Variants in QRICH1 observed in about 807,000 individuals in gnomAD.
The protein encoded by QRICH1 is transcriptional regulator QRICH1.
In QRICH1, 16 loss-of-function variants were observed where a neutral mutation model predicts 87.1. The observed-to-expected ratio is 0.18, with a 90% CI of 0.12 to 0.28. The LOEUF (loss-of-function observed/expected upper bound fraction) is 0.28, where lower values mean the gene tolerates loss of function less well. QRICH1 is among the 10% of genes least tolerant of loss of function. The pLI is 1.00. For synonymous variants in QRICH1, 367 were observed against 368.4 expected (o/e 1.00, Z 0.05); for missense variants, 647 against 951.7 (o/e 0.68, Z 4.21).
intron 1 of QRICH1, among the ~76,000 whole-genome samples, chr3:49,086,413 C>T (rs895708105): frequency 9.9e-5 from 15 of 151,964 alleles, no homozygotes; most frequent in East Asian, 7.7e-4. Context: ...CCCACCACCA[C>T]GCCCGGCTAA....
chr3:49,072,935 G>A (rs1019240020), intron 2 of QRICH1, among the ~76,000 whole-genome samples: 3 of 151,960 alleles, frequency 2.0e-5, no homozygotes, highest in East Asian at 1.9e-4. Flanking sequence ...CTAGCTACTC[G>A]GGAGGCTGAG....
chr3:49,056,762 G>T (rs766457127), intron 3 of QRICH1, 100 bp downstream of exon 3: 2 of 1,541,778 alleles, frequency 1.3e-6, no homozygotes, highest in South Asian at 2.3e-5. Flanking sequence ...CACTGTAAGA[G>T]TAACAGCAGT....
chr3:49,051,200 G>T (rs1241763703), intron 3 of QRICH1, among the ~76,000 whole-genome samples: 4 of 152,070 alleles, frequency 2.6e-5, no homozygotes, highest in African/African-American at 9.7e-5. Flanking sequence ...ACCACTACCA[G>T]CAATACCACC....
At position 49,056,950 on chromosome 3, in the gene QRICH1, T is replaced by C; in HGVS notation, c.1250A>G (p.Asp417Gly). ...QNTAQTVHIW[D>G]PQQQPQQQTP... ...TTGCTGCTGCGGCTGCTGTTGGGGG[T>C]CCCATATATGGACAGTTTGAGCCGT... The change falls in exon 3 of 10, where the codon GAC becomes GGC. Residue 417 changes from aspartate (D) to glycine (G), a missense_variant. Around this residue, in one of 7 missense-constraint regions of QRICH1, gnomAD observed 115 missense variants for 126.8 expected, o/e 0.91. Coordinates refer to ENST00000395443, the MANE Select transcript of QRICH1 (RefSeq NM_198880.3). 1 of 1,613,664 alleles carries C rather than the reference T, an allele frequency of 6.2e-7. No individual in the cohort carries two copies. Among genetic ancestry groups the C allele is most frequent in the South Asian group, 1.1e-5 (1 of 91,068 alleles).
At chr3:49,075,525 G>A (rs1268784252) in intron 2 of QRICH1, among the ~76,000 whole-genome samples, 4 of 152,134 alleles carry the variant, frequency 2.6e-5, no homozygotes, top group Non-Finnish European at 5.9e-5. Flanking sequence ...CAGCTACTCA[G>A]GAAGCTGAGG....
intron 2 of QRICH1, among the ~76,000 whole-genome samples, chr3:49,067,769 A>G (rs1428246869): frequency 6.6e-6 from 1 of 152,068 alleles, no homozygotes; most frequent in African/African-American, 2.4e-5. Context: ...TCACGAGGTC[A>G]AGAGATTGAG....
At chr3:49,062,166 C>A (rs1364645123) in intron 2 of QRICH1, among the ~76,000 whole-genome samples, 1 of 151,780 alleles carries the variant, frequency 6.6e-6, no homozygotes, top group Non-Finnish European at 1.5e-5. Context: ...GAAACCCTGT[C>A]TCTACTAAAA....
chr3:49,034,079 T>TTATTATTATTATTATTATTA (rs2093259564), intron 6 of QRICH1, among the ~76,000 whole-genome samples: 1 of 147,184 alleles, frequency 6.8e-6, no homozygotes, highest in African/African-American at 2.5e-5. Flanking sequence ...TTTGGGGGAT[T>TTATTATTATTATTATTATTA]TTATTATTAT....
At chr3:49,086,173 C>T (rs1329296743) in intron 1 of QRICH1, among the ~76,000 whole-genome samples, 1 of 151,254 alleles carries the variant, frequency 6.6e-6, no homozygotes, top group Non-Finnish European at 1.5e-5. Flanking sequence ...AAAGCCAGCC[C>T]TCCCTTAAAC....
chr3:49,061,472 C>T (rs2093434422), intron 2 of QRICH1, among the ~76,000 whole-genome samples: 1 of 152,058 alleles, frequency 6.6e-6, no homozygotes, highest in Non-Finnish European at 1.5e-5. Context: ...ACATAGTATG[C>T]AACTTTTAAA....
intron 1 of QRICH1, among the ~76,000 whole-genome samples, chr3:49,082,173 C>T (rs1481496477): frequency 6.6e-6 from 1 of 152,026 alleles, no homozygotes; most frequent in Non-Finnish European, 1.5e-5. Flanking sequence ...AACTCCTCAC[C>T]TCAAGCGATC....
chr3:49,088,463 T>A (rs997326802), intron 1 of QRICH1, among the ~76,000 whole-genome samples: 1 of 151,538 alleles, frequency 6.6e-6, no homozygotes, highest in Non-Finnish European at 1.5e-5. Context: ...GCCCAGCTAA[T>A]TTTTTTGTAT....
At chr3:49,044,363 A>G in intron 6 of QRICH1, 27 bp downstream of exon 6, 1 of 1,515,118 alleles carries the variant, frequency 6.6e-7, no homozygotes, top group South Asian at 1.2e-5. Context: ...GGTAGGAAAG[A>G]TATCCAAGGA....
At chr3:49,050,636 A>G (rs928106018) in intron 3 of QRICH1, among the ~76,000 whole-genome samples, 1 of 152,078 alleles carries the variant, frequency 6.6e-6, no homozygotes, top group Non-Finnish European at 1.5e-5. Flanking sequence ...CGTTGTGAAG[A>G]AAATCTTTGG....
In QRICH1 at chr3:49,037,073, TAA is replaced by T. The variant is rs60963227; in HGVS notation, c.1787-3847_1787-3846del. On this transcript the variant is annotated intron_variant, in intron 6 of 9. Transcript: ENST00000395443. Reference sequence around the variant, plus strand: ...GTGATAAATCGAGACCCCCGTCTCTTAAAAAAAAAAAAAAAAAAAAAAGGAAA... The same window carrying T: ...GTGATAAATCGAGACCCCCGTCTCTTAAAAAAAAAAAAAAAAAAAAGGAAA... 2.6e-3 allele frequency among the ~76,000 whole-genome samples: 243 copies of T among 92,578 alleles called. 2 individuals are homozygous for T. The highest frequency in any genetic ancestry group is 9.3e-3 in the African/African-American group (219 of 23,624). 60.7% of individuals were successfully genotyped at this position (92,578 alleles called of 152,430 possible).
intron 3 of QRICH1, among the ~76,000 whole-genome samples, chr3:49,050,069 G>A (rs2106876798): frequency 6.6e-6 from 1 of 150,866 alleles, no homozygotes; most frequent in African/African-American, 2.4e-5. Flanking sequence ...GGGCGCGGTG[G>A]CTCACGCCTG....
chr3:49,055,842 C>T (rs1250807010), intron 3 of QRICH1, among the ~76,000 whole-genome samples: 2 of 152,022 alleles, frequency 1.3e-5, no homozygotes, highest in Admixed American at 1.3e-4. Context: ...CCACACCCGG[C>T]TAATTTTTGT....
At chr3:49,083,559 A>G (rs184811194) in intron 1 of QRICH1, 5 of 152,244 alleles carry the variant, frequency 3.3e-5, no homozygotes, top group Admixed American at 3.3e-4. Flanking sequence ...AATTTAAAAG[A>G]CAAACAAGCT....
In QRICH1 at chr3:49,047,264, T is replaced by C. The variant is rs370626818; in HGVS notation, c.1339-18A>G. ...GTTTGAGCCTATAGGAGAGAAACCA[T>C]GAAAATGTGTCAATATTGTTTTATA... On this transcript the variant is annotated intron_variant, in intron 3 of 9. Transcript: ENST00000395443. The C allele has an allele frequency of 5.6e-6, 9 of 1,593,050 alleles. No homozygotes were observed. The highest frequency in any genetic ancestry group is 6.0e-6 in the Non-Finnish European group (7 of 1,167,792).
Sources: allele counts gnomAD v4.1 joint callset (sites outside exome capture counted in the v4.1 genomes callset), GRCh38; gene constraint gnomAD v4.1.1; regional missense constraint gnomAD v4.1.1; transcripts MANE v1.5; gene names NCBI Gene and HGNC (gene_info 2026-07-23, HGNC 2026-07-21).